IGF2BP2: variants seen among roughly 807,000 people sequenced by gnomAD.
IGF2BP2 encodes insulin like growth factor 2 mRNA binding protein 2.
IGF2BP2 carries 17 observed loss-of-function variants against 75.8 expected under a neutral mutation model. That is an observed-to-expected ratio of 0.22 (90% CI 0.15 to 0.34). The LOEUF is 0.34. Among genes scored for constraint, IGF2BP2 ranks in the 10% least tolerant of loss-of-function variants. The pLI is 1.00. For missense variants in IGF2BP2, 516 were observed against 772.4 expected (o/e 0.67, Z 3.93); for synonymous variants, 288 against 295.6 (o/e 0.97, Z 0.26).
At chr3:185,770,144 T>C (rs878980921) in intron 2 of IGF2BP2, among the ~76,000 whole-genome samples, 1 of 152,168 alleles carries the variant, frequency 6.6e-6, no homozygotes, top group African/African-American at 2.4e-5. Context: ...GTCTCTCTCT[T>C]AGGCTCCTAT....
chr3:185,684,484 A>C lies in IGF2BP2; in HGVS notation c.812+2573T>G, dbSNP rs370861404. Among the ~76,000 whole-genome samples the C allele has an allele frequency of 7.2e-5, 11 of 151,802 alleles. No individual in the cohort carries two copies. The East Asian group carries it at 2.1e-3, about 29-fold the overall frequency. ...CAGTGGCGCGATCTCGGCTCACTGC[A>C]ACCTCCACCTCCCAGGTTCAAGAGA... On this transcript the variant is annotated intron_variant, in intron 7 of 15. Coordinates refer to ENST00000382199, the MANE Select transcript of IGF2BP2 (RefSeq NM_006548.6).
intron 2 of IGF2BP2, among the ~76,000 whole-genome samples, chr3:185,708,356 G>A (rs572509977): frequency 3.9e-5 from 6 of 152,084 alleles, no homozygotes; most frequent in African/African-American, 1.2e-4. Context: ...ACGTGCCTTC[G>A]GAAGGATGTC....
intron 7 of IGF2BP2, among the ~76,000 whole-genome samples, chr3:185,677,068 T>TATATATATATATATAGAGAGAGAGAGAG: frequency 1.7e-4 from 6 of 35,854 alleles, no homozygotes; most frequent in Non-Finnish European, 2.3e-4. Flanking sequence ...TATATATATA[T>TATATATATATATATAGAGAGAGAGAGAG]AGAGAGAGAG....
chr3:185,794,277 CT>C (rs1560480510), intron 2 of IGF2BP2, among the ~76,000 whole-genome samples: 4 of 132,948 alleles, frequency 3.0e-5, no homozygotes, highest in Non-Finnish European at 4.8e-5. Context: ...AGAGCAGATC[CT>C]AGAGACCCGG....
intron 2 of IGF2BP2, among the ~76,000 whole-genome samples, chr3:185,796,566 A>AT (rs1327347511): frequency 8.7e-5 from 5 of 57,620 alleles, no homozygotes; most frequent in African/African-American, 6.3e-4. Flanking sequence ...TTCCGTCTCA[A>AT]AAAAAAAAAA....
At chr3:185,691,471 G>C (rs1000710900) in intron 5 of IGF2BP2, among the ~76,000 whole-genome samples, 1 of 152,126 alleles carries the variant, frequency 6.6e-6, no homozygotes, top group African/African-American at 2.4e-5. Flanking sequence ...AAATATCTTT[G>C]TATGTTGAAA....
chr3:185,782,171 G>A (rs2149805931), intron 2 of IGF2BP2, among the ~76,000 whole-genome samples: 1 of 152,240 alleles, frequency 6.6e-6, no homozygotes, highest in Admixed American at 6.5e-5. Context: ...GATGGCCCTA[G>A]TAGTGAGTAC....
At chr3:185,778,346 T>G (rs543990627) in intron 2 of IGF2BP2, among the ~76,000 whole-genome samples, 1 of 152,270 alleles carries the variant, frequency 6.6e-6, no homozygotes, top group African/African-American at 2.4e-5. Context: ...GGGAGGAAAC[T>G]GGAGTACTCA....
intron 7 of IGF2BP2, 37 bp downstream of exon 7, chr3:185,687,020 C>T: frequency 1.3e-6 from 2 of 1,593,510 alleles, no homozygotes; most frequent in Non-Finnish European, 1.7e-6. Flanking sequence ...TACTCTTTTT[C>T]TCTGTTGAGT....
At chr3:185,784,581 G>C (rs1735625539) in intron 2 of IGF2BP2, among the ~76,000 whole-genome samples, 1 of 152,230 alleles carries the variant, frequency 6.6e-6, no homozygotes, top group Admixed American at 6.5e-5. Context: ...CTCATGCTAT[G>C]AACACTTTCC....
intron 2 of IGF2BP2, among the ~76,000 whole-genome samples, chr3:185,754,694 A>C (rs1344519537): frequency 6.6e-6 from 1 of 152,206 alleles, no homozygotes; most frequent in Admixed American, 6.5e-5. Flanking sequence ...GGTGGAAATG[A>C]GGAAGTTAAT....
intron 2 of IGF2BP2, among the ~76,000 whole-genome samples, chr3:185,708,692 G>T (rs968367224): frequency 3.3e-5 from 5 of 152,106 alleles, no homozygotes; most frequent in African/African-American, 7.2e-5. Context: ...GCCTCATGGG[G>T]CCAGATCAAG....
At chr3:185,690,901 A>G (rs1387454940) in intron 5 of IGF2BP2, among the ~76,000 whole-genome samples, 1 of 152,222 alleles carries the variant, frequency 6.6e-6, no homozygotes, top group Non-Finnish European at 1.5e-5. Context: ...CAATTTTACT[A>G]GGTTAATGTC....
intron 2 of IGF2BP2, among the ~76,000 whole-genome samples, chr3:185,700,132 CAT>C: frequency 6.6e-6 from 1 of 151,990 alleles, no homozygotes; most frequent in Non-Finnish European, 1.5e-5. Flanking sequence ...TACACAGTCA[CAT>C]GTTTCTCCAG....
At chr3:185,665,160 C>A (rs572896625) in intron 10 of IGF2BP2, among the ~76,000 whole-genome samples, 6 of 131,524 alleles carry the variant, frequency 4.6e-5, no homozygotes, top group Non-Finnish European at 6.3e-5. Flanking sequence ...AGAGCAGGAC[C>A]CTGTTTCTTA....
At position 185,644,733 on chromosome 3, in the gene IGF2BP2, CAGTTT is replaced by C. The variant is rs1713228783; in HGVS notation, c.*793_*797del. On this transcript the variant is annotated 3_prime_UTR_variant, in exon 16 of 16. Coordinates refer to ENST00000382199, the MANE Select transcript of IGF2BP2 (RefSeq NM_006548.6). ...AATTATATAGCAGTATGCAAAAAAC[CAGTTT>C]AAAACCTGTGAAGCAAAGAGAAATG... The C allele has an allele frequency of 6.6e-6, 1 of 152,352 alleles. No homozygotes were observed. The highest frequency in any genetic ancestry group is 1.5e-5 in the Non-Finnish European group (1 of 67,996). The allele number at this position is 152,352 out of a possible 1,614,324, so 9.4% of individuals were successfully genotyped here.
intron 2 of IGF2BP2, among the ~76,000 whole-genome samples, chr3:185,765,749 G>C (rs753226425): frequency 6.6e-6 from 1 of 152,166 alleles, no homozygotes; most frequent in South Asian, 2.1e-4. Flanking sequence ...ACTTATCTTT[G>C]ACTTTCATTG....
intron 9 of IGF2BP2, among the ~76,000 whole-genome samples, chr3:185,674,290 G>A (rs1023590868): frequency 7.9e-5 from 12 of 152,190 alleles, no homozygotes; most frequent in Non-Finnish European, 1.0e-4. Context: ...CAGGTGGTGA[G>A]TTGATAACTG....
intron 10 of IGF2BP2, among the ~76,000 whole-genome samples, chr3:185,658,730 G>A (rs1267909461): frequency 6.6e-6 from 1 of 152,212 alleles, no homozygotes; most frequent in Non-Finnish European, 1.5e-5. Context: ...ACACCCACTG[G>A]CACTTGCACC....
Sources: allele counts gnomAD v4.1 joint callset (sites outside exome capture counted in the v4.1 genomes callset), GRCh38; gene constraint gnomAD v4.1.1; transcripts MANE v1.5; gene names NCBI Gene and HGNC (gene_info 2026-07-23, HGNC 2026-07-21).